Variants in CTNNA3 observed in about 807,000 individuals in gnomAD.
The protein encoded by CTNNA3 is catenin alpha-3.
Under a neutral mutation model 95.7 loss-of-function variants are expected in CTNNA3, and 76 were observed. The ratio of observed to expected loss-of-function variants is 0.79; its 90% confidence interval spans 0.66 to 0.96. The LOEUF (loss-of-function observed/expected upper bound fraction) is 0.96. Among genes scored for constraint, CTNNA3 ranks in the 40% least tolerant of loss-of-function variants. The probability of loss-of-function intolerance (pLI) is 0.00; values close to 1 mark genes in which losing one functional copy is unlikely to be tolerated. For missense variants in CTNNA3, 1,191 were observed against 1,089.8 expected, an observed-to-expected ratio of 1.09 and a Z score of -1.31; for synonymous variants, 431 against 374.4, an observed-to-expected ratio of 1.15 and a Z score of -1.74.
chr10:66,189,617 T>TATATATACACAC (rs151078010), intron 13 of CTNNA3, among the ~76,000 whole-genome samples: 3 of 140,366 alleles, frequency 2.1e-5, no homozygotes, highest in African/African-American at 8.5e-5. Flanking sequence ...TATATATATA[T>TATATATACACAC]ACACACATAC....
intron 7 of CTNNA3, among the ~76,000 whole-genome samples, chr10:67,141,129 G>C (rs1355413217): frequency 4.6e-5 from 7 of 152,148 alleles, no homozygotes; most frequent in Non-Finnish European, 1.0e-4. Flanking sequence ...TTGGTGATCA[G>C]AGCCAGAAAA....
chr10:66,612,948 A>C (rs12264732), intron 10 of CTNNA3, among the ~76,000 whole-genome samples: 10,460 of 151,988 alleles, frequency 0.069, 1,127 homozygotes, highest in African/African-American at 0.23. Context: ...CTGGATAATA[A>C]ATTTTCAATT....
At chr10:67,272,758 C>T (rs560171772) in intron 5 of CTNNA3, among the ~76,000 whole-genome samples, 215 of 152,196 alleles carry the variant, frequency 1.4e-3, no homozygotes, top group Non-Finnish European at 2.9e-3. Flanking sequence ...AAGTTCCTGG[C>T]CTCAAATAAT....
chr10:66,370,965 C>T (rs532358597), intron 12 of CTNNA3, among the ~76,000 whole-genome samples: 8 of 152,182 alleles, frequency 5.3e-5, no homozygotes, highest in African/African-American at 1.4e-4. Flanking sequence ...TCAAGCAGTC[C>T]TCTCACCTCA....
intron 10 of CTNNA3, among the ~76,000 whole-genome samples, chr10:66,610,198 T>C (rs1463359863): frequency 6.6e-6 from 1 of 152,090 alleles, no homozygotes; most frequent in Non-Finnish European, 1.5e-5. Flanking sequence ...ATAGACTTCA[T>C]GTGTATCTTT....
rs553858487 is a variant in CTNNA3, at chr10:67,710,897, C to T, written c.-2+52537G>A. On this transcript the variant is annotated intron_variant, in intron 1 of 17. Transcript: ENST00000684154. ...TTGATATAGTTTGGCTGTGTCCCCA[C>T]CCAAATCTCATCTTGAATTCCCACG... Among the ~76,000 whole-genome samples the T allele has an allele frequency of 2.6e-5, 4 of 152,290 alleles. No homozygotes were observed. The South Asian group carries it at 8.3e-4, about 32-fold the overall frequency.
chr10:67,727,058 TTA>T (rs1283562021), intron 1 of CTNNA3, among the ~76,000 whole-genome samples: 7 of 114,678 alleles, frequency 6.1e-5, no homozygotes, highest in African/African-American at 1.1e-4. Flanking sequence ...TATGATATAA[TTA>T]TATATAATAT....
At chr10:66,073,543 A>T (rs1285806415) in intron 14 of CTNNA3, among the ~76,000 whole-genome samples, 4 of 152,282 alleles carry the variant, frequency 2.6e-5, no homozygotes, top group South Asian at 4.1e-4. Flanking sequence ...CATGTTTCTC[A>T]GTGATACTTC....
chr10:67,510,571 G>C (rs1273897643), intron 5 of CTNNA3, among the ~76,000 whole-genome samples: 1 of 151,860 alleles, frequency 6.6e-6, no homozygotes, highest in Non-Finnish European at 1.5e-5. Context: ...TTTGGTACCA[G>C]TACCATGCTC....
chr10:66,139,868 A>G (rs940638523), intron 13 of CTNNA3, among the ~76,000 whole-genome samples: 22 of 152,166 alleles, frequency 1.4e-4, no homozygotes, highest in African/African-American at 5.1e-4. Flanking sequence ...TTGAACTCCA[A>G]TAAAGAGACT....
At chr10:66,932,583 G>C (rs1847464925) in intron 7 of CTNNA3, among the ~76,000 whole-genome samples, 1 of 152,100 alleles carries the variant, frequency 6.6e-6, no homozygotes, top group African/African-American at 2.4e-5. Context: ...GCAGTTGGGG[G>C]AAACAATGAG....
At chr10:67,436,585 C>A (rs775380880) in intron 5 of CTNNA3, among the ~76,000 whole-genome samples, 1 of 152,006 alleles carries the variant, frequency 6.6e-6, no homozygotes, top group Non-Finnish European at 1.5e-5. Context: ...TGACAAAGGA[C>A]TAATATCCAG....
chr10:66,900,117 C>T (rs889642135), intron 7 of CTNNA3, among the ~76,000 whole-genome samples: 1 of 152,134 alleles, frequency 6.6e-6, no homozygotes, highest in African/African-American at 2.4e-5. Context: ...ACAACTCATG[C>T]AAGTGGCTGC....
At chr10:67,565,245 AC>A (rs1228450946) in intron 3 of CTNNA3, among the ~76,000 whole-genome samples, 4 of 148,234 alleles carry the variant, frequency 2.7e-5, no homozygotes, top group African/African-American at 7.5e-5. Flanking sequence ...GAGTCAGTGT[AC>A]AAAAATCAGT....
intron 7 of CTNNA3, among the ~76,000 whole-genome samples, chr10:67,118,281 G>T (rs1311081630): frequency 1.3e-5 from 2 of 151,878 alleles, no homozygotes; most frequent in Non-Finnish European, 2.9e-5. Context: ...CAAACCACAT[G>T]CTAGGATTAT....
intron 5 of CTNNA3, among the ~76,000 whole-genome samples, chr10:67,380,334 G>T (rs950565972): frequency 6.6e-6 from 1 of 152,122 alleles, no homozygotes; most frequent in East Asian, 1.9e-4. Context: ...CAGTGAAATG[G>T]GAATGAAAAT....
intron 7 of CTNNA3, among the ~76,000 whole-genome samples, chr10:66,977,056 C>G (rs1013924009): frequency 6.6e-6 from 1 of 152,014 alleles, no homozygotes; most frequent in Non-Finnish European, 1.5e-5. Flanking sequence ...GTTCCATTGT[C>G]TAAAATAATG....
In CTNNA3 at chr10:66,633,636, T is replaced by C. The variant is rs375579513; in HGVS notation, c.1282-11852A>G. On this transcript the variant is annotated intron_variant, in intron 9 of 17. Transcript: ENST00000433211. ...CAGAGCTTGCAGTGAGCCGAGATCC[T>C]GCCACTGCACTCCAGCCTGGGCAAC... 4.6e-5 allele frequency among the ~76,000 whole-genome samples: 7 copies of C among 152,054 alleles called. No homozygotes were observed. The East Asian group carries it at 5.8e-4, about 13-fold the overall frequency.
chr10:67,726,481 T>G (rs1391937208), intron 1 of CTNNA3, among the ~76,000 whole-genome samples: 1 of 66,762 alleles, frequency 1.5e-5, no homozygotes, highest in Non-Finnish European at 2.5e-5. Context: ...ATATTATATA[T>G]TATATCATAT....
Sources: gnomAD v4.1 joint callset for allele counts (sites outside exome capture counted in the v4.1 genomes callset) on GRCh38, gnomAD v4.1.1 for gene constraint, MANE v1.5 for transcripts, NCBI Gene and HGNC (gene_info 2026-07-23, HGNC 2026-07-21) for gene names.